TLN2: variants seen among roughly 807,000 people sequenced by gnomAD.
TLN2 encodes talin 2.
A neutral mutation model predicts 294.7 loss-of-function variants in TLN2; 118 were observed. The ratio of observed to expected loss-of-function variants is 0.40; its 90% CI spans 0.34 to 0.47. The LOEUF (loss-of-function observed/expected upper bound fraction) is 0.47, where lower values mean the gene tolerates loss of function less well. Ranked by LOEUF, TLN2 falls within the 20% of genes least tolerant of loss-of-function variation. The probability of loss-of-function intolerance (pLI) is 0.84; values close to 1 mark genes in which losing one functional copy is unlikely to be tolerated. For missense variants in TLN2, 3,083 were observed against 3,282.2 expected (o/e 0.94, Z 1.48); for synonymous variants, 1,431 against 1,304.5 (o/e 1.10, Z -2.09).
chr15:62,542,244 T>G (rs2041733815), intron 1 of TLN2, among the ~76,000 whole-genome samples: 1 of 152,138 alleles, frequency 6.6e-6, no homozygotes, highest in South Asian at 2.1e-4. Flanking sequence ...CAGGCTGGAG[T>G]GCAGTGGCAG....
At chr15:62,694,825 G>A (rs192529357) in intron 14 of TLN2, among the ~76,000 whole-genome samples, 1 of 152,300 alleles carries the variant, frequency 6.6e-6, no homozygotes, top group Non-Finnish European at 1.5e-5. Context: ...TGCCACGCTT[G>A]TCTCGAGTGC....
chr15:62,394,927 G>A lies in TLN2; in HGVS notation c.-238+4242G>A, dbSNP rs150853396. ...CATTTCACAGTGGAGTTTCAGAGAC[G>A]GTGCCAAGACCATGGTTTTGTTTTT... On this transcript the variant is annotated intron_variant, in intron 1 of 58. Transcript: ENST00000636159. Among the ~76,000 whole-genome samples the A allele has an allele frequency of 7.2e-3, 1,096 of 152,180 alleles. 11 individuals are homozygous for A. Among genetic ancestry groups the A allele is most frequent in the African/African-American group, 0.026 (1,060 of 41,484 alleles).
At chr15:62,517,521 G>A (rs1177449743) in intron 1 of TLN2, among the ~76,000 whole-genome samples, 2 of 152,126 alleles carry the variant, frequency 1.3e-5, no homozygotes, top group African/African-American at 4.8e-5. Flanking sequence ...AAAATGAGGT[G>A]GTGATTGCTG....
intron 43 of TLN2, 111 bp from the exon 44 acceptor site, chr15:62,781,029 A>G: frequency 1.3e-6 from 1 of 776,174 alleles, no homozygotes; most frequent in Non-Finnish European, 2.1e-6. Context: ...ACACTGGGCG[A>G]AAGAATCTCT....
chr15:62,417,982 A>G (rs2034180885), intron 1 of TLN2, among the ~76,000 whole-genome samples: 1 of 152,200 alleles, frequency 6.6e-6, no homozygotes, highest in Admixed American at 6.5e-5. Context: ...TATTTAATGT[A>G]GAGAGGACAC....
At chr15:62,792,865 C>G (rs1177956312) in intron 46 of TLN2, 78 bp downstream of exon 46, 30 of 1,564,626 alleles carry the variant, frequency 1.9e-5, no homozygotes, top group Middle Eastern at 1.7e-4. Context: ...AGGACAAAAG[C>G]AGGAAACTCA....
At chr15:62,515,789 G>A (rs2040159182) in intron 1 of TLN2, among the ~76,000 whole-genome samples, 1 of 152,090 alleles carries the variant, frequency 6.6e-6, no homozygotes, top group Non-Finnish European at 1.5e-5. Context: ...TCTTTTGGTA[G>A]TGGACAGGTC....
Position 62,689,877 on chromosome 15 carries a change from T to TTTTTTA in TLN2, c.1114-2963_1114-2962insTTTTTA, listed in dbSNP as rs71131119. Among the ~76,000 whole-genome samples the TTTTTTA allele has an allele frequency of 9.6e-3, 94 of 9,838 alleles. 27 individuals carry two copies. The highest frequency in any genetic ancestry group is 0.027 in the East Asian group (6 of 224). The allele number at this position is 9,838 out of a possible 152,430, so 6.5% of individuals were successfully genotyped here. On this transcript the variant is annotated intron_variant, in intron 12 of 58. Transcript: ENST00000636159. Reference sequence around the variant, plus strand: ...TTTTTTTTTTTTTTTTTTTTTTTTTTATTGGCTGACCCCCCTTCCTCCCTC... The same window carrying TTTTTTA: ...TTTTTTTTTTTTTTTTTTTTTTTTTTTTTTTAATTGGCTGACCCCCCTTCCTCCCTC...
At chr15:62,569,133 G>GT (rs1274553736) in intron 1 of TLN2, among the ~76,000 whole-genome samples, 1 of 152,128 alleles carries the variant, frequency 6.6e-6, no homozygotes, top group Non-Finnish European at 1.5e-5. Flanking sequence ...TGTTCTTTGT[G>GT]TTTTTTCTCT....
At chr15:62,627,939 G>T (rs1367667086) in intron 3 of TLN2, among the ~76,000 whole-genome samples, 2 of 152,122 alleles carry the variant, frequency 1.3e-5, no homozygotes, top group Admixed American at 1.3e-4. Context: ...TTTAATCCAT[G>T]AAGATTCTAA....
chr15:62,549,105 C>A (rs2042146559), intron 1 of TLN2, among the ~76,000 whole-genome samples: 1 of 152,108 alleles, frequency 6.6e-6, no homozygotes, highest in South Asian at 2.1e-4. Flanking sequence ...CATGTAGAGT[C>A]AATTAGCTGC....
chr15:62,582,987 C>T (rs1381802884), intron 1 of TLN2, among the ~76,000 whole-genome samples: 1 of 152,102 alleles, frequency 6.6e-6, no homozygotes, highest in Non-Finnish European at 1.5e-5. Context: ...CACTTTATCC[C>T]TGCTCTTTCC....
intron 45 of TLN2, 48 bp downstream of exon 45, chr15:62,783,938 G>GCC: frequency 6.2e-7 from 1 of 1,607,870 alleles, no homozygotes. Context: ...ACACACTGGT[G>GCC]CCCACTCCTG....
Position 62,750,440 on chromosome 15 carries a change from T to C in TLN2, c.4158T>C (p.Val1386=). Residue 1386 remains valine (V), a synonymous_variant, in exon 34 of 59, where the codon GTT becomes GTC. Coordinates refer to ENST00000636159, the MANE Select transcript of TLN2 (RefSeq NM_015059.3). ...TGTTGGACAATCCTAATGAACCTGT[T>C]AGTGACCTCTCTTACTTTGACTGCA... ...KGMLDNPNEP[V]SDLSYFDCIE... 6.2e-7 allele frequency: 1 copy of C among 1,614,198 alleles called. No individual in the cohort carries two copies. Among genetic ancestry groups the C allele is most frequent in the Non-Finnish European group, 8.5e-7 (1 of 1,180,030 alleles).
intron 3 of TLN2, among the ~76,000 whole-genome samples, chr15:62,625,215 A>G (rs888668761): frequency 1.3e-5 from 2 of 152,088 alleles, no homozygotes; most frequent in Non-Finnish European, 2.9e-5. Context: ...GGGGCTTCAG[A>G]CTATGACTCA....
chr15:62,518,288 C>T (rs113517374), intron 1 of TLN2, among the ~76,000 whole-genome samples: 1,644 of 152,240 alleles, frequency 0.011, 24 homozygotes, highest in African/African-American at 0.038. Context: ...CTGCCTGCTT[C>T]GGCCTCCCAA....
intron 28 of TLN2, among the ~76,000 whole-genome samples, chr15:62,736,162 A>G (rs927250420): frequency 6.6e-6 from 1 of 151,974 alleles, no homozygotes; most frequent in Non-Finnish European, 1.5e-5. Context: ...AAAAGAAAAT[A>G]CAAAAAAATT....
At position 62,656,328 on chromosome 15, in the gene TLN2, A is replaced by G. The variant is rs1232406135; in HGVS notation, c.660+242A>G. Among the ~76,000 whole-genome samples the G allele has an allele frequency of 5.9e-5, 9 of 152,304 alleles. No individual in the cohort carries two copies. The East Asian group carries it at 1.5e-3, about 26-fold the overall frequency. ...TTCCCAGATTGTGTCCTGGTAGCCA[A>G]CACTGTGTCCCTCTCTGCCGGGCTT... is the stretch of plus-strand genomic sequence containing the variant. On this transcript the variant is annotated intron_variant, in intron 8 of 58. Transcript: ENST00000636159.
intron 19 of TLN2, 58 bp downstream of exon 19, chr15:62,702,922 G>T: frequency 6.8e-7 from 1 of 1,460,744 alleles, no homozygotes; most frequent in Non-Finnish European, 9.6e-7. Flanking sequence ...GTCTAGACCC[G>T]AGCAGGCAGA....
Sources: allele counts gnomAD v4.1 joint callset (sites outside exome capture counted in the v4.1 genomes callset), GRCh38; gene constraint gnomAD v4.1.1; transcripts MANE v1.5; gene names NCBI Gene and HGNC (gene_info 2026-07-23, HGNC 2026-07-21).